ASTE1: variants seen among roughly 807,000 people sequenced by gnomAD.
ASTE1 encodes asteroid structure-specific endonuclease 1, also known as single-strand DNA endonuclease ASTE1.
In ASTE1, 49 loss-of-function variants were observed where a neutral mutation model predicts 45.8. The observed-to-expected ratio is 1.07, with a 90% CI of 0.85 to 1.36. The LOEUF (loss-of-function observed/expected upper bound fraction) is 1.36. Among genes scored for constraint, ASTE1 ranks in the 40% most tolerant of loss-of-function variants. The probability of loss-of-function intolerance (pLI) is 0.00; values close to 1 mark genes in which losing one functional copy is unlikely to be tolerated. For missense variants in ASTE1, 709 were observed against 804.0 expected, an observed-to-expected ratio of 0.88 and a Z score of 1.43; for synonymous variants, 296 against 303.9, an observed-to-expected ratio of 0.97 and a Z score of 0.27.
Position 131,016,264 on chromosome 3 carries a change from A to G in ASTE1, c.1589T>C (p.Leu530Pro), listed in dbSNP as rs1039057698. The change falls in exon 5 of 6, where the codon CTG becomes CCG. Residue 530 changes from leucine (L) to proline (P), a missense_variant. Physicochemically the swap from Leu to Pro is moderately conservative, Grantham distance 98. Coordinates refer to ENST00000264992, the MANE Select transcript of ASTE1 (RefSeq NM_014065.4). ...TGTGTCTAAGTCCAGTCTTGTGCCC[A>G]GCCGTGTCTGCGCCTTCACTCTTTG... ...EFQRVKAQTRLGTRLDLDTAH... is the reference protein window; with the variant it reads ...EFQRVKAQTRPGTRLDLDTAH... 1.7e-5 allele frequency: 28 copies of G among 1,614,064 alleles called. No homozygotes were observed. The highest frequency in any genetic ancestry group is 2.3e-5 in the Non-Finnish European group (27 of 1,180,044).
At chr3:131,020,250 C>T (rs186110041) in intron 3 of ASTE1, among the ~76,000 whole-genome samples, 323 of 152,336 alleles carry the variant, frequency 2.1e-3, no homozygotes, top group Non-Finnish European at 3.9e-3. Context: ...ATCAAACCCA[C>T]CAGTCCACAG....
chr3:131,025,745 ATCATAT>A (rs2063842667), intron 1 of ASTE1, among the ~76,000 whole-genome samples, 151 bp from the exon 2 acceptor site: 1 of 145,752 alleles, frequency 6.9e-6, no homozygotes, highest in African/African-American at 2.5e-5. Flanking sequence ...AAAAAAAGAT[ATCATAT>A]TCATCTCATA....
chr3:131,018,672 C>T lies in ASTE1; in HGVS notation c.1347G>A (p.Lys449=), dbSNP rs1577105558. ...RRQMLLLETL[K]VKQTILEPIP... Reference sequence around the variant, plus strand: ...TTGGCTCCAGAATGGTCTGTTTCACCTTCAGGGTTTCTAACAGAAGCATCT... The same window carrying T: ...TTGGCTCCAGAATGGTCTGTTTCACTTTCAGGGTTTCTAACAGAAGCATCT... Residue 449 remains lysine, a synonymous_variant, in exon 4 of 6, where the codon AAG becomes AAA. Transcript: ENST00000264992. The T allele has an allele frequency of 6.2e-7, 1 of 1,614,010 alleles. No homozygotes were observed. The highest frequency in any genetic ancestry group is 8.5e-7 in the Non-Finnish European group (1 of 1,180,000).
At chr3:131,021,635 A>G (rs772931120) in intron 3 of ASTE1, among the ~76,000 whole-genome samples, 3 of 152,152 alleles carry the variant, frequency 2.0e-5, no homozygotes, top group Non-Finnish European at 2.9e-5. Flanking sequence ...GCAAAAATTT[A>G]TCATGCTGTA....
intron 1 of ASTE1, among the ~76,000 whole-genome samples, chr3:131,026,035 G>A (rs1161111446): frequency 2.6e-5 from 4 of 152,082 alleles, no homozygotes; most frequent in Non-Finnish European, 5.9e-5. Context: ...AACTTAACTC[G>A]CAGGATCAGA....
rs372444989 is a variant in ASTE1 at position 131,014,226 on chromosome 3, C to G, written c.1871G>C (p.Gly624Ala). The G allele has an allele frequency of 4.3e-6, 7 of 1,613,084 alleles. No individual in the cohort carries two copies. The highest frequency in any genetic ancestry group is 5.9e-6 in the Non-Finnish European group (7 of 1,179,732). The change falls in exon 6 of 6, where the codon GGT becomes GCT. Residue 624 changes from glycine (G) to alanine (A), a missense_variant. Physicochemically the swap from Gly to Ala is moderately conservative, Grantham distance 60. Transcript: ENST00000264992. ...CCTTTTTTTTTTTGAATTTGATCTA[C>G]CTTTTGGTAGGAATATTTCAGCGGG... is the stretch of plus-strand genomic sequence containing the variant. ...YAPAEIFLPK[G>A]RSNSKKKRQK...
chr3:131,015,921 T>C (rs2063604468), intron 5 of ASTE1: 1 of 674,748 alleles, frequency 1.5e-6, no homozygotes, highest in Non-Finnish European at 2.6e-6. Context: ...TAAAATTGGA[T>C]TGAATCATGG....
rs913778531 is a variant in ASTE1, at chr3:131,024,734, G to C, written c.573C>G (p.Asn191Lys). ...GGGAAAAGCATTTGGCAGGGATATA[G>C]TTTTGTGTGCCCTTAATAGTGTTCA... The part of the protein sequence containing the change: ...RNMNTIKGTQ[N>K]YIPAKCFSLD... The change falls in exon 3 of 6, where the codon AAC (asparagine) becomes AAG (lysine). Residue 191 changes from asparagine (N) to lysine (K), a missense_variant. By Grantham distance (94) the Asn-to-Lys change is moderately conservative. Coordinates refer to ENST00000264992, the MANE Select transcript of ASTE1 (RefSeq NM_014065.4). The C allele has an allele frequency of 1.2e-6, 2 of 1,611,212 alleles. No homozygotes were observed. The highest frequency in any genetic ancestry group is 3.3e-5 in the Admixed American group (2 of 59,796).
rs770151159 is a variant in ASTE1 at position 131,016,316 on chromosome 3, C to G, written c.1537G>C (p.Gly513Arg). The G allele has an allele frequency of 1.2e-6, 2 of 1,614,190 alleles. No homozygotes were observed. Among genetic ancestry groups the G allele is most frequent in the Non-Finnish European group, 8.5e-7 (1 of 1,180,032 alleles). ...SPGKEELQED[G>R]AKMLYAEFQR... ...AACTCTGCATACAACATCTTAGCAC[C>G]ATCTTCCTGCAGCTCTTCCTTACCT... is the stretch of plus-strand genomic sequence containing the variant. Residue 513 changes from glycine (G) to arginine (R), a missense_variant, in exon 5 of 6, where the codon GGT (glycine) becomes CGT (arginine). Transcript: ENST00000264992.
chr3:131,017,399 C>T (rs1007632726), intron 4 of ASTE1, among the ~76,000 whole-genome samples: 1 of 152,202 alleles, frequency 6.6e-6, no homozygotes, highest in African/African-American at 2.4e-5. Flanking sequence ...GTAGGCTAGC[C>T]TATAGCCATA....
intron 3 of ASTE1, 48 bp downstream of exon 3, chr3:131,023,957 T>C: frequency 6.6e-7 from 1 of 1,508,838 alleles, no homozygotes; most frequent in Non-Finnish European, 8.9e-7. Flanking sequence ...GCACTTTGTA[T>C]CCTGTAAAGT....
At chr3:131,019,487 G>A (rs983977000) in intron 3 of ASTE1, among the ~76,000 whole-genome samples, 4 of 152,190 alleles carry the variant, frequency 2.6e-5, no homozygotes, top group African/African-American at 9.7e-5. Context: ...AGCTATAAGA[G>A]CACTGAGGTT....
chr3:131,021,735 GATT>G, intron 3 of ASTE1, among the ~76,000 whole-genome samples: 1 of 152,274 alleles, frequency 6.6e-6, no homozygotes, highest in East Asian at 1.9e-4. Context: ...TGGATACATT[GATT>G]ATTTTAATTG....
At position 131,024,134 on chromosome 3, in the gene ASTE1, G is replaced by A. The variant is rs778677133; in HGVS notation, c.1173C>T (p.Ser391=). The change falls in exon 3 of 6, where the codon TCC becomes TCT. Residue 391 remains serine, a synonymous_variant. Transcript: ENST00000264992. ...GAGGCTGAGGAGGCAATGCATTCCAGGATGTCTTGTCCAGATGTGGTGAGG... is the reference window on the plus strand; with the variant it reads ...GAGGCTGAGGAGGCAATGCATTCCAAGATGTCTTGTCCAGATGTGGTGAGG... ...LNASPHLDKT[S]WNALPPQPLA... 6 of 1,614,204 alleles carry A rather than the reference G, an allele frequency of 3.7e-6. No individual in the cohort carries two copies. Among genetic ancestry groups the A allele is most frequent in the Non-Finnish European group, 5.1e-6 (6 of 1,180,020 alleles).
chr3:131,015,920 A>C (rs2063604211), intron 5 of ASTE1: 5 of 672,574 alleles, frequency 7.4e-6, no homozygotes, highest in South Asian at 6.5e-5. Flanking sequence ...TTAAAATTGG[A>C]TTGAATCATG....
intron 3 of ASTE1, among the ~76,000 whole-genome samples, chr3:131,020,158 G>A (rs1332776976): frequency 1.3e-5 from 2 of 152,152 alleles, no homozygotes; most frequent in Admixed American, 6.5e-5. Context: ...TATGGCTTTG[G>A]TCGAAAGGTT....
chr3:131,024,407 T>G lies in ASTE1; in HGVS notation c.900A>C (p.Gln300His), dbSNP rs1379012352. 2 of 1,614,252 alleles carry G rather than the reference T, an allele frequency of 1.2e-6. No individual in the cohort carries two copies. The highest frequency in any genetic ancestry group is 2.2e-5 in the South Asian group (2 of 91,090). ...ELLCCSMEEY[Q>H]QSQVKLQDFF... ...AGTCCTGTAGCTTCACCTGGGACTG[T>G]TGGTATTCTTCCATGGAACAGCAGA... Residue 300 changes from glutamine to histidine, a missense_variant, in exon 3 of 6, where the codon CAA becomes CAC. Physicochemically the swap from Gln to His is conservative, Grantham distance 24. Transcript: ENST00000264992.
At chr3:131,015,242 T>C (rs1342316725) in intron 5 of ASTE1, 6 of 702,114 alleles carry the variant, frequency 8.5e-6, no homozygotes, top group Admixed American at 6.0e-5. Flanking sequence ...ATTCAAAGTA[T>C]TGAAGGCACT....
chr3:131,025,687 A>G (rs1341068597), intron 1 of ASTE1, 93 bp from the exon 2 acceptor site: 2 of 186,598 alleles, frequency 1.1e-5, no homozygotes, highest in Non-Finnish European at 2.2e-5. Flanking sequence ...AACATCTTAC[A>G]GCACAGAGTA....
Sources: gnomAD v4.1 joint callset for allele counts (sites outside exome capture counted in the v4.1 genomes callset) on GRCh38, gnomAD v4.1.1 for gene constraint, MANE v1.5 for transcripts, NCBI Gene and HGNC (gene_info 2026-07-23, HGNC 2026-07-21) for gene names.